AGFG1: variants seen among roughly 807,000 people sequenced by gnomAD.
AGFG1 encodes the protein arf-GAP domain and FG repeat-containing protein 1.
In AGFG1, 10 loss-of-function variants were observed where a neutral mutation model predicts 60.6. That is an observed-to-expected ratio of 0.16 (90% CI 0.10 to 0.28). The LOEUF (loss-of-function observed/expected upper bound fraction) is 0.28. Among genes scored for constraint, AGFG1 ranks in the 10% least tolerant of loss-of-function variants. AGFG1 has a pLI of 1.00. For missense variants in AGFG1, 537 were observed against 676.5 expected (o/e 0.79, Z 2.29); for synonymous variants, 247 against 242.9 (o/e 1.02, Z -0.16).
At chr2:227,497,692 A>G (rs556347959) in intron 2 of AGFG1, among the ~76,000 whole-genome samples, 2 of 150,864 alleles carry the variant, frequency 1.3e-5, no homozygotes, top group South Asian at 4.2e-4. Flanking sequence ...AAGCAGTGAA[A>G]ATGCACAAGC....
At chr2:227,501,563 C>T (rs1019233751) in intron 2 of AGFG1, among the ~76,000 whole-genome samples, 2 of 152,116 alleles carry the variant, frequency 1.3e-5, no homozygotes, top group Admixed American at 6.5e-5. Context: ...AGTCACTGGA[C>T]ACTTCTTCCT....
At chr2:227,526,106 A>G (rs1691981612) in intron 5 of AGFG1, among the ~76,000 whole-genome samples, 1 of 152,080 alleles carries the variant, frequency 6.6e-6, no homozygotes, top group South Asian at 2.1e-4. Flanking sequence ...GCTACATCTC[A>G]GTTTGCTGTC....
intron 5 of AGFG1, among the ~76,000 whole-genome samples, chr2:227,525,558 C>T (rs1691968581): frequency 1.3e-5 from 2 of 152,228 alleles, no homozygotes; most frequent in African/African-American, 4.8e-5. Context: ...TGAGACATGT[C>T]TCTTAGGTCT....
intron 3 of AGFG1, 65 bp from the exon 4 acceptor site, chr2:227,523,698 T>G (rs1174133852): frequency 6.8e-6 from 10 of 1,462,942 alleles, no homozygotes; most frequent in Non-Finnish European, 9.4e-6. Context: ...AGAATTAAGC[T>G]TATCATTTTT....
At chr2:227,481,201 C>T (rs1293606459) in intron 1 of AGFG1, among the ~76,000 whole-genome samples, 3 of 147,178 alleles carry the variant, frequency 2.0e-5, no homozygotes, top group East Asian at 2.0e-4. Flanking sequence ...ATATAAAAGC[C>T]TGTGATGCCA....
chr2:227,520,088 A>G (rs1424933014), intron 3 of AGFG1, 25 bp downstream of exon 3: 1 of 1,393,392 alleles, frequency 7.2e-7, no homozygotes, highest in Non-Finnish European at 9.9e-7. Flanking sequence ...TGTATGTAGA[A>G]TAAAGCCTCC....
At position 227,557,185 on chromosome 2, in the gene AGFG1, T is replaced by G. The variant is rs910676468; in HGVS notation, c.*2690T>G. The G allele has an allele frequency of 3.9e-5, 6 of 152,216 alleles. No homozygotes were observed. Among genetic ancestry groups the G allele is most frequent in the Non-Finnish European group, 7.3e-5 (5 of 68,038 alleles). The allele number at this position is 152,216 out of a possible 1,614,324, so 9.4% of individuals were successfully genotyped here. The stretch of plus-strand genomic sequence containing the variant: ...TTTTTCCTGTTCAGGTATCTGCAGA[T>G]ATCCCTGTTCAGGAAAGATCTTTTT... On this transcript the variant is annotated 3_prime_UTR_variant, in exon 13 of 13. Coordinates refer to ENST00000310078, the MANE Select transcript of AGFG1 (RefSeq NM_004504.5).
At chr2:227,528,222 TTA>T (rs1692054273) in intron 5 of AGFG1, among the ~76,000 whole-genome samples, 2 of 152,208 alleles carry the variant, frequency 1.3e-5, no homozygotes, top group Admixed American at 6.5e-5. Flanking sequence ...GGCGTAATTT[TTA>T]TATGTCTCAT....
intron 10 of AGFG1, among the ~76,000 whole-genome samples, chr2:227,549,809 C>CGA (rs1692768279): frequency 6.6e-6 from 1 of 152,080 alleles, no homozygotes; most frequent in Non-Finnish European, 1.5e-5. Context: ...GATTTCATCA[C>CGA]TGTTTCTTAA....
At chr2:227,473,406 G>A (rs1364540828) in intron 1 of AGFG1, among the ~76,000 whole-genome samples, 1 of 152,136 alleles carries the variant, frequency 6.6e-6, no homozygotes, top group Non-Finnish European at 1.5e-5. Context: ...AGTTATCTGT[G>A]AGATTTATCT....
Position 227,559,913 on chromosome 2 carries a change from T to C in AGFG1, c.*5418T>C, listed in dbSNP as rs1693087107. On this transcript the variant is annotated 3_prime_UTR_variant, in exon 13 of 13. Coordinates refer to ENST00000310078, the MANE Select transcript of AGFG1 (RefSeq NM_004504.5). Reference sequence around the variant, plus strand: ...GACTTTAAAGGTTTTTTGTATGCTATAATATATGCTTATGATTTCTAAAAA... The same window carrying C: ...GACTTTAAAGGTTTTTTGTATGCTACAATATATGCTTATGATTTCTAAAAA... 6.6e-6 allele frequency: 1 copy of C among 152,166 alleles called. No homozygotes were observed. The highest frequency in any genetic ancestry group is 6.5e-5 in the Admixed American group (1 of 15,278). The allele number at this position is 152,166 out of a possible 1,614,324, so 9.4% of individuals were successfully genotyped here.
At chr2:227,544,050 A>G (rs1188449456) in intron 10 of AGFG1, among the ~76,000 whole-genome samples, 1 of 144,398 alleles carries the variant, frequency 6.9e-6, no homozygotes, top group Non-Finnish European at 1.5e-5. Context: ...CCATCCCTTT[A>G]TTTTGAGCCT....
chr2:227,516,654 G>A (rs1691660261), intron 2 of AGFG1, among the ~76,000 whole-genome samples: 1 of 152,198 alleles, frequency 6.6e-6, no homozygotes, highest in South Asian at 2.1e-4. Context: ...TTATCATCAA[G>A]CACTCCATCT....
intron 2 of AGFG1, among the ~76,000 whole-genome samples, chr2:227,503,912 C>G (rs1691231938): frequency 6.6e-6 from 1 of 152,098 alleles, no homozygotes; most frequent in African/African-American, 2.4e-5. Context: ...TCTGTTTACT[C>G]TGGGTTATTT....
At chr2:227,499,919 T>G (rs1021829556) in intron 2 of AGFG1, among the ~76,000 whole-genome samples, 3 of 152,232 alleles carry the variant, frequency 2.0e-5, no homozygotes, top group African/African-American at 7.2e-5. Flanking sequence ...GGTACACATC[T>G]GAGTTGTAGT....
chr2:227,495,664 C>T (rs1441561116), intron 2 of AGFG1, among the ~76,000 whole-genome samples: 3 of 151,720 alleles, frequency 2.0e-5, no homozygotes, highest in East Asian at 3.9e-4. Context: ...ATAAAGTTAA[C>T]GGAAGGTGGA....
At chr2:227,526,922 T>C (rs1342629338) in intron 5 of AGFG1, among the ~76,000 whole-genome samples, 1 of 152,216 alleles carries the variant, frequency 6.6e-6, no homozygotes, top group Non-Finnish European at 1.5e-5. Flanking sequence ...ATTTAACATA[T>C]TTGTTACAAA....
chr2:227,484,708 T>TG (rs1690574123), intron 1 of AGFG1, among the ~76,000 whole-genome samples: 1 of 70,466 alleles, frequency 1.4e-5, no homozygotes, highest in African/African-American at 5.5e-5. Flanking sequence ...TTTTTTTTTT[T>TG]TTTTTTTTTT....
chr2:227,517,674 G>A (rs1184692217), intron 2 of AGFG1, among the ~76,000 whole-genome samples: 1 of 152,224 alleles, frequency 6.6e-6, no homozygotes, highest in Non-Finnish European at 1.5e-5. Flanking sequence ...AGTTCAGTGA[G>A]CAGGTAAGAT....
Sources: allele counts gnomAD v4.1 joint callset (sites outside exome capture counted in the v4.1 genomes callset), GRCh38; gene constraint gnomAD v4.1.1; transcripts MANE v1.5; gene names NCBI Gene and HGNC (gene_info 2026-07-23, HGNC 2026-07-21).